Variants in EPC2 observed in about 807,000 individuals in gnomAD.
EPC2 encodes the protein enhancer of polycomb homolog 2.
EPC2 carries 14 observed loss-of-function variants against 92.1 expected under a neutral mutation model. That is an observed-to-expected ratio of 0.15 (90% confidence interval 0.10 to 0.24). The LOEUF (loss-of-function observed/expected upper bound fraction) is 0.24, where lower values mean the gene tolerates loss of function less well. EPC2 is among the 10% of genes least tolerant of loss of function. The pLI, the probability that EPC2 is intolerant of heterozygous loss-of-function variation, is 1.00. For synonymous variants in EPC2, 340 were observed against 334.7 expected (o/e 1.02, Z -0.17); for missense variants, 755 against 971.5 (o/e 0.78, Z 2.96).
chr2:148,762,929 A>G, intron 6 of EPC2, 127 bp downstream of exon 6: 2 of 982,186 alleles, frequency 2.0e-6, no homozygotes, highest in East Asian at 2.7e-5. Flanking sequence ...AGTTCTTACC[A>G]TGAGCCAAGC....
chr2:148,780,011 T>C (rs183295916), intron 10 of EPC2, among the ~76,000 whole-genome samples: 1 of 152,340 alleles, frequency 6.6e-6, no homozygotes, highest in East Asian at 1.9e-4. Flanking sequence ...AATTCATGAA[T>C]ACTTCACATT....
intron 1 of EPC2, among the ~76,000 whole-genome samples, chr2:148,671,829 A>G (rs1271953913): frequency 6.6e-6 from 1 of 151,880 alleles, no homozygotes; most frequent in African/African-American, 2.4e-5. Context: ...TTTTAGTTGC[A>G]TTATTTTCAT....
At chr2:148,693,158 T>C (rs572893946) in intron 2 of EPC2, among the ~76,000 whole-genome samples, 1 of 152,360 alleles carries the variant, frequency 6.6e-6, no homozygotes, top group East Asian at 1.9e-4. Flanking sequence ...ATTTTTTTTA[T>C]GTAACTTTTT....
rs148913673 is a variant in EPC2 at position 148,708,577 on chromosome 2, T to C, written c.313+18204T>C. 4.7e-3 allele frequency among the ~76,000 whole-genome samples: 719 copies of C among 152,294 alleles called. 5 individuals carry two copies. Among genetic ancestry groups the C allele is most frequent in the African/African-American group, 0.016 (677 of 41,562 alleles). ...TTTAGACCAATATCCCTGATGAACA[T>C]TGATGTGAAAATCCTCAATAAAATA... On this transcript the variant is annotated intron_variant, in intron 2 of 13. Coordinates refer to ENST00000258484, the MANE Select transcript of EPC2 (RefSeq NM_015630.4).
chr2:148,700,678 C>T (rs1300739825), intron 2 of EPC2, among the ~76,000 whole-genome samples: 1 of 147,992 alleles, frequency 6.8e-6, no homozygotes, highest in Non-Finnish European at 1.5e-5. Context: ...TGTCAGTCCT[C>T]TGCCCTTTTT....
chr2:148,711,012 T>A (rs1260230179), intron 2 of EPC2, among the ~76,000 whole-genome samples: 1 of 152,176 alleles, frequency 6.6e-6, no homozygotes, highest in Non-Finnish European at 1.5e-5. Flanking sequence ...GGGTAGAGGC[T>A]TATTGATTTT....
At chr2:148,736,538 A>G (rs879908472) in intron 2 of EPC2, among the ~76,000 whole-genome samples, 3 of 152,154 alleles carry the variant, frequency 2.0e-5, no homozygotes, top group Non-Finnish European at 4.4e-5. Context: ...TGGGTTGGCC[A>G]TGTCTCTAAG....
At chr2:148,773,618 T>C (rs1683569639) in intron 10 of EPC2, among the ~76,000 whole-genome samples, 1 of 152,126 alleles carries the variant, frequency 6.6e-6, no homozygotes, top group Non-Finnish European at 1.5e-5. Context: ...GACCACAAGA[T>C]TTTTTGTTTT....
At chr2:148,685,554 A>G (rs1004604972) in intron 1 of EPC2, among the ~76,000 whole-genome samples, 2 of 152,154 alleles carry the variant, frequency 1.3e-5, no homozygotes, top group African/African-American at 4.8e-5. Flanking sequence ...AGGTCAGGAG[A>G]TCGAGACCAT....
intron 2 of EPC2, among the ~76,000 whole-genome samples, chr2:148,704,754 A>G (rs951624263): frequency 9.2e-5 from 14 of 152,198 alleles, no homozygotes; most frequent in African/African-American, 3.1e-4. Context: ...TGGAACAACA[A>G]CAGGGATATA....
intron 3 of EPC2, among the ~76,000 whole-genome samples, chr2:148,748,465 C>A (rs1358753503): frequency 6.6e-6 from 1 of 152,104 alleles, no homozygotes; most frequent in African/African-American, 2.4e-5. Context: ...TCTTTAAAAT[C>A]ATCCCAAACA....
In EPC2 at chr2:148,781,753, C is replaced by G; in HGVS notation, c.1830C>G (p.Ser610=). 1 of 1,613,964 alleles carries G rather than the reference C, an allele frequency of 6.2e-7. No homozygotes were observed. The highest frequency in any genetic ancestry group is 8.5e-7 in the Non-Finnish European group (1 of 1,179,866). ...AGCAGAAACAGCAATCTCAGCATTC[C>G]TCGCAACAGACACATCCAAAAGCAC... The part of the protein sequence containing the change: ...QLQQKQQSQH[S]SQQTHPKAQG... Residue 610 remains serine (S), a synonymous_variant, in exon 11 of 14, where the codon TCC becomes TCG. Coordinates refer to ENST00000258484, the MANE Select transcript of EPC2 (RefSeq NM_015630.4).
intron 6 of EPC2, among the ~76,000 whole-genome samples, chr2:148,764,105 G>A (rs1683361913): frequency 6.6e-6 from 1 of 152,116 alleles, no homozygotes; most frequent in African/African-American, 2.4e-5. Context: ...CCTATTATAT[G>A]AAAAATTTTA....
chr2:148,708,250 T>C (rs1211623547), intron 2 of EPC2, among the ~76,000 whole-genome samples: 4 of 152,064 alleles, frequency 2.6e-5, no homozygotes, highest in Non-Finnish European at 2.9e-5. Context: ...CTAGAAGAAA[T>C]TGACAAATTC....
intron 3 of EPC2, among the ~76,000 whole-genome samples, chr2:148,750,647 G>A (rs527816906): frequency 2.6e-5 from 4 of 152,086 alleles, no homozygotes; most frequent in South Asian, 4.2e-4. Context: ...GTAAATTAGG[G>A]GTCATTTGCT....
At chr2:148,778,486 ATAAC>A (rs1283102491) in intron 10 of EPC2, among the ~76,000 whole-genome samples, 1 of 152,200 alleles carries the variant, frequency 6.6e-6, no homozygotes, top group Non-Finnish European at 1.5e-5. Context: ...GAAAGAAAAA[ATAAC>A]TAGTAGAGAA....
At chr2:148,694,875 C>T (rs1172807890) in intron 2 of EPC2, among the ~76,000 whole-genome samples, 1 of 152,188 alleles carries the variant, frequency 6.6e-6, no homozygotes, top group East Asian at 1.9e-4. Flanking sequence ...CAGGTTTAAG[C>T]AATTCCTCTG....
At chr2:148,660,057 G>T (rs180764015) in intron 1 of EPC2, among the ~76,000 whole-genome samples, 36 of 152,160 alleles carry the variant, frequency 2.4e-4, no homozygotes, top group African/African-American at 7.9e-4. Flanking sequence ...TGCAGAAAAA[G>T]TGTGAAGAAG....
intron 3 of EPC2, among the ~76,000 whole-genome samples, chr2:148,749,602 A>G (rs1683049061): frequency 6.6e-6 from 1 of 152,024 alleles, no homozygotes; most frequent in Non-Finnish European, 1.5e-5. Context: ...CACGTGCACT[A>G]GGAACAAGTA....
Sources: allele counts gnomAD v4.1 joint callset (sites outside exome capture counted in the v4.1 genomes callset), GRCh38; gene constraint gnomAD v4.1.1; transcripts MANE v1.5; gene names NCBI Gene and HGNC (gene_info 2026-07-23, HGNC 2026-07-21).